The following NCAPG2 variants were observed in gnomAD, a reference collection of about 807,000 sequenced individuals.
NCAPG2 encodes the protein non-SMC condensin II complex subunit G2, also known as condensin-2 complex subunit G2.
Under a neutral mutation model 141.1 loss-of-function variants are expected in NCAPG2, and 53 were observed. The ratio of observed to expected loss-of-function variants is 0.38; its 90% CI spans 0.30 to 0.47. The LOEUF is 0.47. NCAPG2 is among the 20% of genes least tolerant of loss of function. The pLI, the probability that NCAPG2 is intolerant of heterozygous loss-of-function variation, is 0.99. For synonymous variants in NCAPG2, 499 were observed against 490.7 expected (o/e 1.02, Z -0.22); for missense variants, 1,087 against 1,389.0 (o/e 0.78, Z 3.46).
intron 27 of NCAPG2, among the ~76,000 whole-genome samples, chr7:158,639,422 A>G (rs1398812685): frequency 6.6e-6 from 1 of 152,180 alleles, no homozygotes; most frequent in Non-Finnish European, 1.5e-5. Context: ...AGTGCATTTT[A>G]TAACAATTAA....
At chr7:158,666,575 T>C (rs1832956305) in intron 13 of NCAPG2, among the ~76,000 whole-genome samples, 1 of 151,206 alleles carries the variant, frequency 6.6e-6, no homozygotes, top group Non-Finnish European at 1.5e-5. Flanking sequence ...CTGCCTTTCA[T>C]TATCACACAA....
rs985104178 is a variant in NCAPG2 at position 158,662,801 on chromosome 7, G to A, written c.1816-434C>T. 5.3e-5 allele frequency among the ~76,000 whole-genome samples: 8 copies of A among 152,206 alleles called. No individual in the cohort carries two copies. In the South Asian group the frequency reaches 8.3e-4, roughly 16 times the overall value. ...AGGTGACTGCTACTGAAACTCAGCCGCCAAAACCCAGCCTATCAGGTCACA... is the reference window on the plus strand; with the variant it reads ...AGGTGACTGCTACTGAAACTCAGCCACCAAAACCCAGCCTATCAGGTCACA... On this transcript the variant is annotated intron_variant, in intron 15 of 27. Transcript: ENST00000356309.
intron 8 of NCAPG2, among the ~76,000 whole-genome samples, chr7:158,685,619 T>C (rs1834709237): frequency 6.6e-6 from 1 of 152,176 alleles, no homozygotes; most frequent in African/African-American, 2.4e-5. Context: ...TGGAAATAGT[T>C]GTGACACTAT....
chr7:158,681,060 A>G (rs1162850726), intron 9 of NCAPG2, among the ~76,000 whole-genome samples: 1 of 152,234 alleles, frequency 6.6e-6, no homozygotes, highest in Non-Finnish European at 1.5e-5. Context: ...GCCTTGGGCT[A>G]TAAAATGGTT....
intron 6 of NCAPG2, among the ~76,000 whole-genome samples, chr7:158,689,102 C>A (rs980352825): frequency 6.6e-6 from 1 of 151,910 alleles, no homozygotes; most frequent in Non-Finnish European, 1.5e-5. Context: ...AAGAACTATG[C>A]GAGCCTCTCT....
chr7:158,636,734 C>A (rs1377692986), intron 27 of NCAPG2, among the ~76,000 whole-genome samples: 2 of 152,036 alleles, frequency 1.3e-5, no homozygotes, highest in African/African-American at 4.8e-5. Flanking sequence ...AATGCTTAGA[C>A]TTTTGAGGTT....
chr7:158,637,516 C>A, intron 27 of NCAPG2, among the ~76,000 whole-genome samples: 1 of 152,244 alleles, frequency 6.6e-6, no homozygotes, highest in Non-Finnish European at 1.5e-5. Flanking sequence ...AAGCCCCCAC[C>A]CCATCCGAGC....
At chr7:158,703,107 A>G (rs1835910876) in intron 1 of NCAPG2, among the ~76,000 whole-genome samples, 1 of 152,220 alleles carries the variant, frequency 6.6e-6, no homozygotes. Flanking sequence ...TGTAGGCTAC[A>G]CCTCTAGGTG....
rs1835256934 is a variant in NCAPG2, at chr7:158,693,504, C to T, written c.79-7G>A. 2.5e-6 allele frequency: 4 copies of T among 1,596,732 alleles called. No individual in the cohort carries two copies. Among genetic ancestry groups the T allele is most frequent in the East Asian group, 4.5e-5 (2 of 44,694 alleles). On this transcript the variant is annotated splice_polypyrimidine_tract_variant and splice_region_variant and intron_variant, in intron 2 of 27. Coordinates refer to ENST00000356309, the MANE Select transcript of NCAPG2 (RefSeq NM_017760.7). ...AAGGATCAGAGGCCTCTTTCTGTAACATAAATAGCAAGTGTCACATTTCAA... is the reference window on the plus strand; with the variant it reads ...AAGGATCAGAGGCCTCTTTCTGTAATATAAATAGCAAGTGTCACATTTCAA...
intron 27 of NCAPG2, among the ~76,000 whole-genome samples, chr7:158,637,986 A>AC (rs1333239860): frequency 6.6e-6 from 1 of 152,132 alleles, no homozygotes; most frequent in Non-Finnish European, 1.5e-5. Flanking sequence ...TCTACTAAAA[A>AC]TACAAAAATT....
At chr7:158,671,481 A>G (rs1833678812) in intron 13 of NCAPG2, 33 bp downstream of exon 13, 1 of 1,612,260 alleles carries the variant, frequency 6.2e-7, no homozygotes, top group Admixed American at 1.7e-5. Flanking sequence ...TCCCTATTTC[A>G]TGTCATAAGT....
At chr7:158,677,659 A>G (rs1834175503) in intron 11 of NCAPG2, among the ~76,000 whole-genome samples, 1 of 152,106 alleles carries the variant, frequency 6.6e-6, no homozygotes, top group Non-Finnish European at 1.5e-5. Flanking sequence ...TAATAAAAAT[A>G]TATTCCAGAC....
In NCAPG2 at chr7:158,662,353, T is replaced by C; in HGVS notation, c.1830A>G (p.Thr610=). The change falls in exon 16 of 28, where the codon ACA becomes ACG. Residue 610 remains threonine (T), a synonymous_variant. Transcript: ENST00000356309. The part of the protein sequence containing the change: ...EKENVTVLDK[T]LSVNDVACMA... The stretch of plus-strand genomic sequence containing the variant: ...TGCATGCAACATCGTTTACTGACAG[T>C]GTTTTGTCCAGAACCTAAGATAAAA... 2 of 1,580,188 alleles carry C rather than the reference T, an allele frequency of 1.3e-6. No individual in the cohort carries two copies. Among genetic ancestry groups the C allele is most frequent in the Non-Finnish European group, 1.7e-6 (2 of 1,165,332 alleles).
intron 27 of NCAPG2, among the ~76,000 whole-genome samples, chr7:158,635,682 T>C (rs888425401): frequency 2.0e-5 from 3 of 151,130 alleles, no homozygotes; most frequent in African/African-American, 4.9e-5. Context: ...GATGAGGCAA[T>C]TAAAATGCAA....
chr7:158,651,308 G>A (rs1831475287), intron 23 of NCAPG2, among the ~76,000 whole-genome samples: 1 of 152,222 alleles, frequency 6.6e-6, no homozygotes, highest in South Asian at 2.1e-4. Flanking sequence ...ATGAGGCAAT[G>A]TATTCTGACT....
intron 9 of NCAPG2, 150 bp from the exon 10 acceptor site, chr7:158,680,966 A>C: frequency 1.8e-6 from 1 of 556,256 alleles, no homozygotes; most frequent in Non-Finnish European, 3.1e-6. Context: ...ATTCTTCAGC[A>C]GGAGTAACTT....
At chr7:158,699,118 T>C (rs906395909) in intron 2 of NCAPG2, among the ~76,000 whole-genome samples, 8 of 152,120 alleles carry the variant, frequency 5.3e-5, no homozygotes, top group African/African-American at 1.9e-4. Context: ...TGTGTCTTGT[T>C]TTTCTTCCTC....
chr7:158,645,709 C>T, intron 25 of NCAPG2, 90 bp from the exon 26 acceptor site: 1 of 1,173,120 alleles, frequency 8.5e-7, no homozygotes, highest in Non-Finnish European at 1.2e-6. Flanking sequence ...CAACCACAAC[C>T]ACAAACCCCA....
intron 4 of NCAPG2, 64 bp from the exon 5 acceptor site, chr7:158,690,786 G>A: frequency 1.4e-6 from 2 of 1,431,002 alleles, no homozygotes; most frequent in South Asian, 2.5e-5. Flanking sequence ...AGAGTCAACA[G>A]TTTAGAGTAT....
Sources: allele counts gnomAD v4.1 joint callset (sites outside exome capture counted in the v4.1 genomes callset), GRCh38; gene constraint gnomAD v4.1.1; transcripts MANE v1.5; gene names NCBI Gene and HGNC (gene_info 2026-07-23, HGNC 2026-07-21).